RBFOX1: variants seen among roughly 807,000 people sequenced by gnomAD.
RBFOX1 encodes the protein RNA binding protein fox-1 homolog 1.
Under a neutral mutation model 57.7 loss-of-function variants are expected in RBFOX1, and 8 were observed. The ratio of observed to expected loss-of-function variants is 0.14; its 90% confidence interval spans 0.08 to 0.25. The LOEUF (loss-of-function observed/expected upper bound fraction) is 0.25, where lower values mean the gene tolerates loss of function less well. RBFOX1 is among the 10% of genes least tolerant of loss of function. RBFOX1 has a pLI of 1.00. For missense variants in RBFOX1, 611 were observed against 548.5 expected, an observed-to-expected ratio of 1.11 and a Z score of -1.14; for synonymous variants, 326 against 222.4, an observed-to-expected ratio of 1.47 and a Z score of -4.15.
chr16:6,120,907 G>T (rs992404165), intron 1 of RBFOX1, among the ~76,000 whole-genome samples: 1 of 152,210 alleles, frequency 6.6e-6, no homozygotes, highest in Non-Finnish European at 1.5e-5. Context: ...GTGAAGAGAA[G>T]AGAGGAGAAC....
chr16:5,668,560 G>A (rs2049920709), intron 3 of RBFOX1, among the ~76,000 whole-genome samples: 1 of 152,186 alleles, frequency 6.6e-6, no homozygotes, highest in Non-Finnish European at 1.5e-5. Context: ...AGGCTGGACT[G>A]TTTTCCTCTT....
rs193017423 is a variant in RBFOX1 at position 6,806,441 on chromosome 16, C to G, written c.-16+151791C>G. ...CATCTTTTTCAAATTCATATGCTAACTAGAGCTAACAAATGTTAAATAATT... is the reference window on the plus strand; with the variant it reads ...CATCTTTTTCAAATTCATATGCTAAGTAGAGCTAACAAATGTTAAATAATT... On this transcript the variant is annotated intron_variant, in intron 3 of 15. Transcript: ENST00000550418. Among the ~76,000 whole-genome samples, 224 of 152,168 alleles carry G rather than the reference C, an allele frequency of 1.5e-3. 3 individuals are homozygous for G. Among genetic ancestry groups the G allele is most frequent in the Admixed American group, 0.013 (191 of 15,272 alleles).
intron 4 of RBFOX1, among the ~76,000 whole-genome samples, chr16:7,247,710 A>G (rs2153001439): frequency 6.6e-6 from 1 of 152,362 alleles, no homozygotes; most frequent in South Asian, 2.1e-4. Flanking sequence ...TACGGGAAAC[A>G]TAGCCTCTTT....
At chr16:7,671,662 TACTA>T (rs1237781102) in intron 13 of RBFOX1, 7 of 1,422,338 alleles carry the variant, frequency 4.9e-6, no homozygotes, top group Non-Finnish European at 7.0e-6. Context: ...GTGAAATCCT[TACTA>T]ACAAGATAAT....
At chr16:7,186,938 G>T (rs532583976) in intron 4 of RBFOX1, among the ~76,000 whole-genome samples, 1 of 141,520 alleles carries the variant, frequency 7.1e-6, no homozygotes, top group South Asian at 2.2e-4. Context: ...CAGGCAAATT[G>T]CTTGAGACTG....
chr16:6,583,288 C>T (rs1246097972), intron 2 of RBFOX1, among the ~76,000 whole-genome samples: 1 of 152,094 alleles, frequency 6.6e-6, no homozygotes, highest in African/African-American at 2.4e-5. Context: ...ACTTCAGGAC[C>T]AGGAACTACC....
intron 3 of RBFOX1, among the ~76,000 whole-genome samples, chr16:7,045,945 A>C (rs772619543): frequency 1.4e-4 from 21 of 152,202 alleles, no homozygotes; most frequent in Non-Finnish European, 2.2e-4. Context: ...GGTGTGAGCC[A>C]CCATGCCCGG....
In RBFOX1 at chr16:6,077,447, T is replaced by A. The variant is rs2095921065; in HGVS notation, c.-127+57455T>A. Among the ~76,000 whole-genome samples the A allele has an allele frequency of 7.9e-5, 12 of 152,318 alleles. 1 individual carries two copies. The highest frequency in any genetic ancestry group is 7.8e-4 in the Admixed American group (12 of 15,302). Reference sequence around the variant, plus strand: ...TAGAGAAGTGATATTGCGTCACTGCTGCGAACCAGGAAGGGAGAATGAGAA... The same window carrying A: ...TAGAGAAGTGATATTGCGTCACTGCAGCGAACCAGGAAGGGAGAATGAGAA... On this transcript the variant is annotated intron_variant, in intron 1 of 15. Coordinates refer to ENST00000550418, the MANE Select transcript of RBFOX1 (RefSeq NM_018723.4).
At chr16:7,330,513 T>TA (rs2096673625) in intron 4 of RBFOX1, among the ~76,000 whole-genome samples, 1 of 123,206 alleles carries the variant, frequency 8.1e-6, no homozygotes, top group African/African-American at 3.9e-5. Context: ...TGTGTGTTTG[T>TA]GTGTGTGTGT....
intron 2 of RBFOX1, among the ~76,000 whole-genome samples, chr16:5,554,163 G>A (rs1383103526): frequency 6.6e-6 from 1 of 151,100 alleles, no homozygotes; most frequent in Non-Finnish European, 1.5e-5. Flanking sequence ...TAGAGATGAG[G>A]TTTTACCGTG....
intron 10 of RBFOX1, among the ~76,000 whole-genome samples, chr16:7,624,439 C>T (rs553878913): frequency 5.3e-5 from 8 of 152,262 alleles, no homozygotes; most frequent in African/African-American, 1.7e-4. Context: ...TCTTTTGTTC[C>T]TTTTCATGTA....
chr16:6,984,277 C>G (rs957925724), intron 3 of RBFOX1, among the ~76,000 whole-genome samples: 1 of 151,996 alleles, frequency 6.6e-6, no homozygotes, highest in African/African-American at 2.4e-5. Context: ...CCTGGATCCT[C>G]CTGTACTACC....
At chr16:6,577,928 G>A (rs1207033579) in intron 2 of RBFOX1, among the ~76,000 whole-genome samples, 1 of 152,208 alleles carries the variant, frequency 6.6e-6, no homozygotes, top group Admixed American at 6.5e-5. Context: ...CAAATGAGAA[G>A]GCTGGGATTC....
At chr16:6,600,771 A>T (rs939069791) in intron 2 of RBFOX1, among the ~76,000 whole-genome samples, 1 of 152,214 alleles carries the variant, frequency 6.6e-6, no homozygotes, top group Non-Finnish European at 1.5e-5. Context: ...AAGCAAGATT[A>T]TATCCTTTTA....
intron 1 of RBFOX1, among the ~76,000 whole-genome samples, chr16:6,291,536 C>A (rs1456281743): frequency 6.6e-6 from 1 of 152,188 alleles, no homozygotes; most frequent in Non-Finnish European, 1.5e-5. Flanking sequence ...TTCATGCAAA[C>A]CTGCCTCCTG....
At chr16:5,856,187 C>CTCTATATATA (rs1430331422) in intron 3 of RBFOX1, among the ~76,000 whole-genome samples, 8 of 31,064 alleles carry the variant, frequency 2.6e-4, no homozygotes, top group African/African-American at 7.1e-4. Context: ...CTCTCTCTCT[C>CTCTATATATA]TATATATATA....
chr16:5,778,414 A>G (rs1410215492), intron 3 of RBFOX1, among the ~76,000 whole-genome samples: 1 of 152,098 alleles, frequency 6.6e-6, no homozygotes, highest in African/African-American at 2.4e-5. Context: ...CACCTGGTTC[A>G]CAATCTGATG....
intron 4 of RBFOX1, among the ~76,000 whole-genome samples, chr16:7,089,573 C>T (rs974220205): frequency 1.3e-5 from 2 of 152,042 alleles, no homozygotes; most frequent in African/African-American, 4.8e-5. Flanking sequence ...GGTTGCTAGT[C>T]ACACTCTTTC....
intron 1 of RBFOX1, among the ~76,000 whole-genome samples, chr16:6,082,315 G>C: frequency 7.0e-6 from 1 of 142,588 alleles, no homozygotes; most frequent in East Asian, 2.0e-4. Context: ...CAAGTAGCTG[G>C]GATTACATGT....
Sources: allele counts gnomAD v4.1 joint callset (sites outside exome capture counted in the v4.1 genomes callset), GRCh38; gene constraint gnomAD v4.1.1; transcripts MANE v1.5; gene names NCBI Gene and HGNC (gene_info 2026-07-23, HGNC 2026-07-21).